Variants in CYP2D6 observed in about 807,000 individuals in gnomAD.
CYP2D6 encodes the protein cytochrome P450 2D6.
In CYP2D6, 51 loss-of-function variants were observed where a neutral mutation model predicts 43.5. The observed-to-expected ratio is 1.17, with a 90% CI of 0.94 to 1.48. The LOEUF (loss-of-function observed/expected upper bound fraction) is 1.48. Among genes scored for constraint, CYP2D6 ranks in the 40% most tolerant of loss-of-function variants. CYP2D6 has a pLI of 0.00. For missense variants in CYP2D6, 698 were observed against 688.0 expected (o/e 1.01, Z -0.16); for synonymous variants, 346 against 297.1 (o/e 1.16, Z -1.69).
Position 42,126,505 on chromosome 22 carries a change from C to T in CYP2D6, c.*69G>A, listed in dbSNP as rs1453161331. 3 of 1,490,312 alleles carry T rather than the reference C, an allele frequency of 2.0e-6. No individual in the cohort carries two copies. Among genetic ancestry groups the T allele is most frequent in the Non-Finnish European group, 1.8e-6 (2 of 1,110,352 alleles). The allele number at this position is 1,490,312 out of a possible 1,614,324, so 92.3% of individuals were successfully genotyped here. A position where few individuals can be genotyped will look rare whatever the true frequency, so the allele number is the denominator to read the frequency against. On this transcript the variant is annotated 3_prime_UTR_variant, in exon 9 of 9. Coordinates refer to ENST00000645361, the MANE Select transcript of CYP2D6 (RefSeq NM_000106.6). ...CGTGAGCAGGGGACCCGAGTTGGAA[C>T]TACCACATTGCTTTATTGTACATTA...
chr22:42,129,222 G>T, intron 2 of CYP2D6, 37 bp from the exon 3 acceptor site: 6 of 1,594,044 alleles, frequency 3.8e-6, no homozygotes, highest in Non-Finnish European at 5.1e-6. Context: ...TGGCCATGAA[G>T]GCATTAGCCC....
rs1267210870 is a variant in CYP2D6, at chr22:42,128,904, C to T, written c.546G>A (p.Val182=). The change falls in exon 4 of 9, where the codon GTG becomes GTA. Residue 182 remains valine (V), a synonymous_variant. Transcript: ENST00000645361. ...FRPNGLLDKA[V]SNVIASLTCG... ...AGGTGAGGGAGGCGATCACGTTGCT[C>T]ACGGCTTTGTCCAAGAGACCGTTGG... is the stretch of plus-strand genomic sequence containing the variant. 1 of 1,594,640 alleles carries T rather than the reference C, an allele frequency of 6.3e-7. No homozygotes were observed. Among genetic ancestry groups the T allele is most frequent in the Non-Finnish European group, 8.5e-7 (1 of 1,170,624 alleles).
chr22:42,127,286 G>A (rs1187986208), intron 7 of CYP2D6, among the ~76,000 whole-genome samples, 161 bp downstream of exon 7: 2 of 151,006 alleles, frequency 1.3e-5, no homozygotes, highest in South Asian at 2.1e-4. Context: ...GGCCAGCCCT[G>A]CCTATACTCT....
In CYP2D6 at chr22:42,129,001, T is replaced by C. The variant is rs76326664; in HGVS notation, c.505+32A>G. On this transcript the variant is annotated intron_variant, in intron 3 of 8. Coordinates refer to ENST00000645361, the MANE Select transcript of CYP2D6 (RefSeq NM_000106.6). Reference sequence around the variant, plus strand: ...CTTCCCCGTCCCCCGCCTTCCCAGTTCCCGCTTTGTGCCCTTCTGCCCATC... The same window carrying C: ...CTTCCCCGTCCCCCGCCTTCCCAGTCCCCGCTTTGTGCCCTTCTGCCCATC... 926 of 1,595,548 alleles carry C rather than the reference T, an allele frequency of 5.8e-4. 29 individuals are homozygous for C. In the East Asian group the frequency reaches 9.4e-3, roughly 16 times the overall value.
intron 7 of CYP2D6, 130 bp from the exon 8 acceptor site, chr22:42,127,122 A>G: frequency 3.2e-6 from 4 of 1,231,558 alleles, no homozygotes; most frequent in Non-Finnish European, 4.6e-6. Context: ...TGCGCCCGAG[A>G]AGCTCCACAG....
chr22:42,127,462 G>C lies in CYP2D6; in HGVS notation c.1158C>G (p.Gly386=). Residue 386 remains glycine (G), a synonymous_variant, in exon 7 of 9, where the codon GGC becomes GGG. Transcript: ENST00000645361. The part of the protein sequence containing the change: ...HMTSRDIEVQ[G]FRIPKGTTLI... ...CCAGGCCTACCTTAGGGATGCGGAA[G>C]CCCTGTACTTCGATGTCACGGGATG... 6.2e-7 allele frequency: 1 copy of C among 1,609,628 alleles called. No individual in the cohort carries two copies. Among genetic ancestry groups the C allele is most frequent in the South Asian group, 1.1e-5 (1 of 90,894 alleles).
Position 42,127,649 on chromosome 22 carries a change from G to A in CYP2D6, c.986-15C>T, listed in dbSNP as rs758365268. On this transcript the variant is annotated splice_polypyrimidine_tract_variant and intron_variant, in intron 6 of 8. Transcript: ENST00000645361. ...TTGGACACGGCCTGGACAGACATGCGTCCCCACAATGGGTCAGCACCCAGG... is the reference window on the plus strand; with the variant it reads ...TTGGACACGGCCTGGACAGACATGCATCCCCACAATGGGTCAGCACCCAGG... 3.3e-5 allele frequency: 53 copies of A among 1,609,844 alleles called. 2 individuals are homozygous for A. Among genetic ancestry groups the A allele is most frequent in the African/African-American group, 6.7e-5 (5 of 74,358 alleles).
At chr22:42,129,996 C>G (rs1358348104) in intron 1 of CYP2D6, 87 bp from the exon 2 acceptor site, 1 of 1,357,718 alleles carries the variant, frequency 7.4e-7, no homozygotes, top group African/African-American at 1.7e-5. Flanking sequence ...GGACGACCCC[C>G]GGGGCTACCA....
rs765006570 is a variant in CYP2D6, at chr22:42,127,792, C to G, written c.985+50G>C. The G allele has an allele frequency of 1.2e-4, 192 of 1,602,706 alleles. 5 individuals are homozygous for G. The highest frequency in any genetic ancestry group is 1.5e-4 in the Non-Finnish European group (173 of 1,170,606). ...TCCCAGCAAAGTTCATGGGCCCCCG[C>G]CTGTACCCTTCCTCCCTCGGCCCCT... On this transcript the variant is annotated intron_variant, in intron 6 of 8. Coordinates refer to ENST00000645361, the MANE Select transcript of CYP2D6 (RefSeq NM_000106.6).
intron 1 of CYP2D6, 86 bp from the exon 2 acceptor site, chr22:42,129,995 C>T (rs1931813413): frequency 1.5e-6 from 2 of 1,363,878 alleles, no homozygotes; most frequent in African/African-American, 3.4e-5. Flanking sequence ...TGGACGACCC[C>T]CGGGGCTACC....
rs28578778 is a variant in CYP2D6 at position 42,127,398 on chromosome 22, A to G, written c.1173+49T>C. 9.6e-3 allele frequency: 13,720 copies of G among 1,422,426 alleles called. 4 individuals are homozygous for G. The highest frequency in any genetic ancestry group is 0.012 in the South Asian group (1,018 of 84,966). The allele number at this position is 1,422,426 out of a possible 1,614,324, so 88.1% of individuals were successfully genotyped here. On this transcript the variant is annotated intron_variant, in intron 7 of 8. Coordinates refer to ENST00000645361, the MANE Select transcript of CYP2D6 (RefSeq NM_000106.6). Reference sequence around the variant, plus strand: ...ACCTGGCAGTAGCCATGCTGGGGCTATCACCAGGTGCTGGTGCTGAGCTGG... The same window carrying G: ...ACCTGGCAGTAGCCATGCTGGGGCTGTCACCAGGTGCTGGTGCTGAGCTGG...
At position 42,127,872 on chromosome 22, in the gene CYP2D6, G is replaced by A; in HGVS notation, c.955C>T (p.Leu319=). The change falls in exon 6 of 9, where the codon CTG becomes TTG. Residue 319 remains leucine, a synonymous_variant. Coordinates refer to ENST00000645361, the MANE Select transcript of CYP2D6 (RefSeq NM_000106.6). The part of the protein sequence containing the change: ...TTSTTLAWGL[L]LMILHPDVQR... Reference sequence around the variant, plus strand: ...ACATCCGGATGTAGGATCATGAGCAGGAGGCCCCAGGCCAGCGTGGTCGAG... The same window carrying A: ...ACATCCGGATGTAGGATCATGAGCAAGAGGCCCCAGGCCAGCGTGGTCGAG... 1.2e-6 allele frequency: 2 copies of A among 1,611,224 alleles called. No homozygotes were observed. The highest frequency in any genetic ancestry group is 1.3e-5 in the African/African-American group (1 of 74,470).
chr22:42,129,052 G>T lies in CYP2D6; in HGVS notation c.486C>A (p.Ala162=). The T allele has an allele frequency of 6.2e-7, 1 of 1,607,726 alleles. No individual in the cohort carries two copies. Among genetic ancestry groups the T allele is most frequent in the South Asian group, 1.1e-5 (1 of 90,376 alleles). ...ACCCACCGGAGTGGTTGGCGAAGGCGGCACAAAGGCAGGCGGCCTCCTCGG... is the reference window on the plus strand; with the variant it reads ...ACCCACCGGAGTGGTTGGCGAAGGCTGCACAAAGGCAGGCGGCCTCCTCGG... The part of the protein sequence containing the change: ...WVTEEAACLC[A]AFANHSGRPF... Residue 162 remains alanine (A), a synonymous_variant, in exon 3 of 9, where the codon GCC becomes GCA. Coordinates refer to ENST00000645361, the MANE Select transcript of CYP2D6 (RefSeq NM_000106.6).
At chr22:42,129,431 C>A in intron 2 of CYP2D6, 2 of 761,256 alleles carry the variant, frequency 2.6e-6, no homozygotes, top group Non-Finnish European at 4.5e-6. Context: ...GCGCCACCCA[C>A]ACTGAGCTTA....
intron 2 of CYP2D6, chr22:42,129,417 C>T (rs1171113954): frequency 2.6e-6 from 2 of 768,288 alleles, no homozygotes; most frequent in South Asian, 1.5e-5. Context: ...ACCCCGCGGG[C>T]CCCGCGCCAC....
Position 42,129,060 on chromosome 22 carries a change from G to A in CYP2D6, c.478C>T (p.Leu160Phe), listed in dbSNP as rs1344108447. The A allele has an allele frequency of 6.2e-7, 1 of 1,608,090 alleles. No individual in the cohort carries two copies. Among genetic ancestry groups the A allele is most frequent in the Non-Finnish European group, 8.5e-7 (1 of 1,177,146 alleles). Reference protein sequence around the residue: ...EQWVTEEAACLCAAFANHSGR... With the variant: ...EQWVTEEAACFCAAFANHSGR... Reference sequence around the variant, plus strand: ...GAGTGGTTGGCGAAGGCGGCACAAAGGCAGGCGGCCTCCTCGGTCACCCAC... The same window carrying A: ...GAGTGGTTGGCGAAGGCGGCACAAAAGCAGGCGGCCTCCTCGGTCACCCAC... Residue 160 changes from leucine to phenylalanine, a missense_variant, in exon 3 of 9, where the codon CTT becomes TTT. Leu to Phe is a conservative substitution (Grantham distance 22, BLOSUM62 0). This residue lies in a region of CYP2D6 where 588 missense variants were observed against 521.1 expected (regional missense o/e 1.13). Transcript: ENST00000645361.
At chr22:42,128,081 T>C (rs1931240250) in intron 5 of CYP2D6, 93 bp downstream of exon 5, 1 of 1,589,068 alleles carries the variant, frequency 6.3e-7, no homozygotes, top group African/African-American at 1.4e-5. Flanking sequence ...CGCCGGGTGA[T>C]GCACTGGTCC....
intron 1 of CYP2D6, 77 bp downstream of exon 1, chr22:42,130,535 T>C (rs1931940292): frequency 1.5e-6 from 2 of 1,307,014 alleles, no homozygotes; most frequent in Admixed American, 4.1e-5. Flanking sequence ...CAGCCTGTGG[T>C]TTCACCCACC....
rs1278851336 is a variant in CYP2D6, at chr22:42,129,124, G to A, written c.414C>T (p.Thr138=). Residue 138 remains threonine (T), a synonymous_variant, in exon 3 of 9, where the codon ACC becomes ACT. Coordinates refer to ENST00000645361, the MANE Select transcript of CYP2D6 (RefSeq NM_000106.6). ...TCTTGCCCAGGCCCAAGTTGCGCAA[G>A]GTGGACACGGAGAAGCGCCTCTGCT... ...WREQRRFSVS[T]LRNLGLGKKS... is the part of the protein sequence containing the mutation. 10 of 1,610,454 alleles carry A rather than the reference G, an allele frequency of 6.2e-6. 1 individual carries two copies.
Sources: gnomAD v4.1 joint callset for allele counts (sites outside exome capture counted in the v4.1 genomes callset) on GRCh38, gnomAD v4.1.1 for gene constraint, gnomAD v4.1.1 regional missense constraint, MANE v1.5 for transcripts, NCBI Gene and HGNC (gene_info 2026-07-23, HGNC 2026-07-21) for gene names.